SZT2: variants seen among roughly 807,000 people sequenced by gnomAD.
SZT2 encodes the protein KICSTOR complex protein SZT2.
A neutral mutation model predicts 404.2 loss-of-function variants in SZT2; 216 were observed. That is an observed-to-expected ratio of 0.53 (90% confidence interval 0.48 to 0.60). The LOEUF (loss-of-function observed/expected upper bound fraction) is 0.60, where lower values mean the gene tolerates loss of function less well. SZT2 is among the 20% of genes least tolerant of loss of function. The pLI, the probability that SZT2 is intolerant of heterozygous loss-of-function variation, is 0.00. For synonymous variants in SZT2, 1,693 were observed against 1,749.9 expected (o/e 0.97, Z 0.81); for missense variants, 3,857 against 4,459.2 (o/e 0.86, Z 3.85).
rs113961415 is a variant in SZT2 at position 43,397,749 on chromosome 1, G to A, written c.28-5428G>A. On this transcript the variant is annotated intron_variant, in intron 1 of 71. Transcript: ENST00000634258. ...TCGCCACATTGGCCAGGCTGGTCTC[G>A]AGCTCCTGGCCTCAGGTCATCCACC... Among the ~76,000 whole-genome samples, 237 of 152,118 alleles carry A rather than the reference G, an allele frequency of 1.6e-3. 1 individual carries two copies. Among genetic ancestry groups the A allele is most frequent in the African/African-American group, 5.4e-3 (225 of 41,504 alleles).
chr1:43,441,579 G>A lies in SZT2; in HGVS notation c.7587G>A (p.Trp2529Ter). 6.2e-7 allele frequency: 1 copy of A among 1,614,162 alleles called. No homozygotes were observed. Residue 2529 changes from tryptophan (W) to a stop codon, truncating the protein, a stop_gained, in exon 54 of 72, where the codon TGG becomes TGA. Coordinates refer to ENST00000634258, the MANE Select transcript of SZT2 (RefSeq NM_001365999.1). LOFTEE classifies it high-confidence loss of function. This position sits in a 1 kb window ranked among gnomAD's most constrained non-coding sequence, Gnocchi z 4.8. ...HPVFARVAQR[W>*]MEFMVQIGCA... ...TGTTTGCCCGTGTTGCTCAGCGCTGGATGGAGTTTATGGTTCAGATTGGTG... is the reference window on the plus strand; with the variant it reads ...TGTTTGCCCGTGTTGCTCAGCGCTGAATGGAGTTTATGGTTCAGATTGGTG...
intron 4 of SZT2, among the ~76,000 whole-genome samples, chr1:43,408,698 A>G (rs1650638158): frequency 1.3e-5 from 2 of 152,148 alleles, no homozygotes; most frequent in Non-Finnish European, 2.9e-5. Context: ...ATGTTTAGCC[A>G]GCCCCTACTT....
At position 43,429,921 on chromosome 1, in the gene SZT2, G is replaced by C. The variant is rs558677971; in HGVS notation, c.4308+77G>C. 5.6e-6 allele frequency: 9 copies of C among 1,612,238 alleles called. No homozygotes were observed. The Admixed American group carries it at 8.3e-5, about 15-fold the overall frequency. ...AGGGACAGGATTCTCTCCTGGGCGG[G>C]GGGTATGCATGTGTCCTGCTCTAGG... On this transcript the variant is annotated intron_variant, in intron 29 of 71. Transcript: ENST00000634258.
rs1183133813 is a variant in SZT2, at chr1:43,446,371, C to T, written c.9027C>T (p.Ala3009=). 1 of 1,614,244 alleles carries T rather than the reference C, an allele frequency of 6.2e-7. No individual in the cohort carries two copies. The highest frequency in any genetic ancestry group is 8.5e-7 in the Non-Finnish European group (1 of 1,180,054). ...GTTACTTCTGTGTCAAACAGTTTGCCCTGGAATGTTCCCGAATCCCAATGG... is the reference window on the plus strand; with the variant it reads ...GTTACTTCTGTGTCAAACAGTTTGCTCTGGAATGTTCCCGAATCCCAATGG... The part of the protein sequence containing the change: ...QGCYFCVKQF[A]LECSRIPMGQ... The change falls in exon 65 of 72, where the codon GCC becomes GCT. Residue 3009 remains alanine (A), a synonymous_variant. Transcript: ENST00000634258.
Position 43,453,861 on chromosome 1 carries a change from C to CGGGCGGGGGCGG in SZT2, c.*3384_*3395dup, listed in dbSNP as rs567315893. 2.2e-5 allele frequency: 17 copies of CGGGCGGGGGCGG among 757,910 alleles called. No individual in the cohort carries two copies. The highest frequency in any genetic ancestry group is 3.0e-5 in the Non-Finnish European group (17 of 574,656). 46.9% of individuals were successfully genotyped at this position (757,910 alleles called of 1,614,324 possible). Reference sequence around the variant, plus strand: ...GCGGCGGGCGGCGGGCGGCGGGCGGCGGGCGGGGGCGGGGCTCTCCTTGCT... The same window carrying CGGGCGGGGGCGG: ...GCGGCGGGCGGCGGGCGGCGGGCGGCGGGCGGGGGCGGGGGCGGGGGCGGGGCTCTCCTTGCT... On this transcript the variant is annotated 3_prime_UTR_variant, in exon 72 of 72. Coordinates refer to ENST00000634258, the MANE Select transcript of SZT2 (RefSeq NM_001365999.1).
intron 7 of SZT2, among the ~76,000 whole-genome samples, chr1:43,419,478 T>C (rs1459535690): frequency 6.6e-6 from 1 of 152,126 alleles, no homozygotes; most frequent in Non-Finnish European, 1.5e-5. Context: ...AAATCTTTAG[T>C]GAAGGAGGTG....
intron 42 of SZT2, chr1:43,436,876 CTT>C: frequency 2.2e-6 from 1 of 456,724 alleles, no homozygotes; most frequent in Non-Finnish European, 3.9e-6. Flanking sequence ...GTCAGAATCT[CTT>C]GGCATGATCT....
At chr1:43,429,974 G>A in intron 29 of SZT2, 37 bp from the exon 30 acceptor site, 3 of 1,613,388 alleles carry the variant, frequency 1.9e-6, no homozygotes, top group African/African-American at 1.3e-5. Flanking sequence ...GTTGAGGGGT[G>A]ACTGACATTC....
Position 43,432,189 on chromosome 1 carries a change from G to A in SZT2, c.5275-83G>A. 3.6e-6 allele frequency: 5 copies of A among 1,400,838 alleles called. No homozygotes were observed. The South Asian group carries it at 4.2e-5, about 12-fold the overall frequency. The allele number at this position is 1,400,838 out of a possible 1,614,324, so 86.8% of individuals were successfully genotyped here. Reference sequence around the variant, plus strand: ...AGCATCTGCTTTACCAGGTAGTTAGGAGCGTCTCATGAGGAAGTGTAGCTC... The same window carrying A: ...AGCATCTGCTTTACCAGGTAGTTAGAAGCGTCTCATGAGGAAGTGTAGCTC... On this transcript the variant is annotated intron_variant, in intron 36 of 71. Transcript: ENST00000634258.
intron 30 of SZT2, 32 bp from the exon 31 acceptor site, chr1:43,430,279 G>T (rs1305170989): frequency 6.2e-7 from 1 of 1,611,828 alleles, no homozygotes; most frequent in East Asian, 2.2e-5. Flanking sequence ...TGGGATTCTT[G>T]CCTCATCATC....
chr1:43,449,593 T>A (rs999053697), intron 70 of SZT2: 1 of 178,952 alleles, frequency 5.6e-6, no homozygotes, highest in Non-Finnish European at 1.2e-5. Flanking sequence ...CCATAGGCCC[T>A]TCACTGTCTG....
At position 43,437,574 on chromosome 1, in the gene SZT2, A is replaced by C. The variant is rs1358755179; in HGVS notation, c.6291-21A>C. ...ATGGCCTGGGAGGAGGCATGTCCAA[A>C]GACATGCTGCTCTTTCCCAGGCTCC... On this transcript the variant is annotated intron_variant, in intron 44 of 71. Transcript: ENST00000634258. The surrounding 1 kb of genome is among the most constrained non-coding windows in gnomAD (Gnocchi z 5.3). 6.2e-7 allele frequency: 1 copy of C among 1,613,780 alleles called. No individual in the cohort carries two copies. The highest frequency in any genetic ancestry group is 2.2e-5 in the East Asian group (1 of 44,890).
rs564963914 is a variant in SZT2, at chr1:43,416,004, G to A, written c.675G>A (p.Lys225=). 2.7e-4 allele frequency: 428 copies of A among 1,598,268 alleles called. 5 individuals carry two copies. The South Asian group carries it at 4.5e-3, about 17-fold the overall frequency. The part of the protein sequence containing the change: ...SPDSGDLLGR[K]VGVSMVTADL... ...ACTCAGGGGACCTACTGGGCCGGAAGGTAGGCGTCTCCATGGTGACAGCTG... is the reference window on the plus strand; with the variant it reads ...ACTCAGGGGACCTACTGGGCCGGAAAGTAGGCGTCTCCATGGTGACAGCTG... The change falls in exon 6 of 72, where the codon AAG becomes AAA. Residue 225 remains lysine, a synonymous_variant. Transcript: ENST00000634258.
Position 43,404,522 on chromosome 1 carries a change from C to T in SZT2, c.470C>T (p.Ser157Phe). 1 of 1,613,798 alleles carries T rather than the reference C, an allele frequency of 6.2e-7. No individual in the cohort carries two copies. The change falls in exon 4 of 72, where the codon TCC (serine) becomes TTC (phenylalanine). Residue 157 changes from serine to phenylalanine, a missense_variant. Transcript: ENST00000634258. Reference sequence around the variant, plus strand: ...ATCTATGTAACTATCCAGGCCTACTCCTCCATCATTGGACTGCAGTCCCAC... The same window carrying T: ...ATCTATGTAACTATCCAGGCCTACTTCTCCATCATTGGACTGCAGTCCCAC... ...PEIYVTIQAY[S>F]SIIGLQSHQV... is the part of the protein sequence containing the mutation.
chr1:43,449,804 G>A (rs148088762), intron 70 of SZT2: 2 of 501,796 alleles, frequency 4.0e-6, no homozygotes, highest in Admixed American at 6.4e-5. Flanking sequence ...AGGAGGCAAG[G>A]AGGTTGTGCC....
At position 43,453,937 on chromosome 1, in the gene SZT2, T is replaced by G; in HGVS notation, c.*3457T>G. The G allele has an allele frequency of 8.3e-7, 1 of 1,203,046 alleles. No individual in the cohort carries two copies. Among genetic ancestry groups the G allele is most frequent in the East Asian group, 3.5e-5 (1 of 28,562 alleles). 74.5% of individuals were successfully genotyped at this position (1,203,046 alleles called of 1,614,324 possible). A position where few individuals can be genotyped will look rare whatever the true frequency, so the allele number is the denominator to read the frequency against. ...TCGTGGTTAGAAAAGCGAAGTGCTG[T>G]AAAAACCCGGGCCTTCACGAAAAGC... On this transcript the variant is annotated 3_prime_UTR_variant, in exon 72 of 72. Coordinates refer to ENST00000634258, the MANE Select transcript of SZT2 (RefSeq NM_001365999.1).
intron 4 of SZT2, chr1:43,405,888 C>A (rs1650247567): frequency 6.6e-6 from 1 of 152,314 alleles, no homozygotes; most frequent in Non-Finnish European, 1.5e-5. Context: ...GTCCTGAAGA[C>A]ACAGATGAAT....
At position 43,452,833 on chromosome 1, in the gene SZT2, T is replaced by TC; in HGVS notation, c.*2357dup. 6.7e-7 allele frequency: 1 copy of TC among 1,493,082 alleles called. No individual in the cohort carries two copies. 92.5% of individuals were successfully genotyped at this position (1,493,082 alleles called of 1,614,324 possible). ...TTGAGCCGTCCACCTCCTCCCATCA[T>TC]CCCCTGATCTTAGCCACATCCAGCT... is the stretch of plus-strand genomic sequence containing the variant. On this transcript the variant is annotated 3_prime_UTR_variant, in exon 72 of 72. Coordinates refer to ENST00000634258, the MANE Select transcript of SZT2 (RefSeq NM_001365999.1).
chr1:43,442,012 A>C lies in SZT2; in HGVS notation c.7755A>C (p.Pro2585=). ...TCCCTTTCAATAGGGGTTCAGAGCCAGAGATCTTCGGCCCTTGTTCCCCTG... is the reference window on the plus strand; with the variant it reads ...TCCCTTTCAATAGGGGTTCAGAGCCCGAGATCTTCGGCCCTTGTTCCCCTG... ...RIFEQHLGSE[P]EIFGPCSPGQ... is the part of the protein sequence containing the mutation. The change falls in exon 56 of 72, where the codon CCA becomes CCC. Residue 2585 remains proline (P), a synonymous_variant. Coordinates refer to ENST00000634258, the MANE Select transcript of SZT2 (RefSeq NM_001365999.1). This position sits in a 1 kb window ranked among gnomAD's most constrained non-coding sequence, Gnocchi z 4.5. 1 of 1,613,204 alleles carries C rather than the reference A, an allele frequency of 6.2e-7. No homozygotes were observed. Among genetic ancestry groups the C allele is most frequent in the South Asian group, 1.1e-5 (1 of 90,944 alleles).
Sources: gnomAD v4.1 joint callset for allele counts (sites outside exome capture counted in the v4.1 genomes callset) on GRCh38, gnomAD v4.1.1 for gene constraint, Gnocchi (gnomAD v3.1) non-coding constraint, MANE v1.5 for transcripts, NCBI Gene and HGNC (gene_info 2026-07-23, HGNC 2026-07-21) for gene names.